SIRT2: variants seen among roughly 807,000 people sequenced by gnomAD.
SIRT2 encodes the protein NAD-dependent protein deacetylase sirtuin-2.
SIRT2 carries 40 observed loss-of-function variants against 57.4 expected under a neutral mutation model. That is an observed-to-expected ratio of 0.70 (90% CI 0.54 to 0.91). The LOEUF (loss-of-function observed/expected upper bound fraction) is 0.91, where lower values mean the gene tolerates loss of function less well. Among genes scored for constraint, SIRT2 ranks in the 40% least tolerant of loss-of-function variants. SIRT2 has a pLI of 0.00. For missense variants in SIRT2, 439 were observed against 510.4 expected (o/e 0.86, Z 1.35); for synonymous variants, 161 against 195.7 (o/e 0.82, Z 1.48).
intron 8 of SIRT2, among the ~76,000 whole-genome samples, chr19:38,887,949 T>C (rs1973395199): frequency 1.3e-5 from 2 of 151,772 alleles, no homozygotes; most frequent in Non-Finnish European, 2.9e-5. Flanking sequence ...AGAGACCAGA[T>C]TTCATGATGT....
intron 4 of SIRT2, chr19:38,890,779 C>A (rs909666437): frequency 6.4e-6 from 1 of 155,252 alleles, no homozygotes; most frequent in Non-Finnish European, 1.5e-5. Flanking sequence ...GGATAAGAAC[C>A]CTGGGCTGAG....
intron 8 of SIRT2, among the ~76,000 whole-genome samples, chr19:38,887,962 G>A (rs1420923510): frequency 6.6e-6 from 1 of 151,826 alleles, no homozygotes; most frequent in African/African-American, 2.4e-5. Context: ...CATGATGTTG[G>A]ACAGGCTGGT....
At chr19:38,894,976 C>G (rs1454249059) in intron 2 of SIRT2, 1 of 454,968 alleles carries the variant, frequency 2.2e-6, no homozygotes, top group African/African-American at 2.0e-5. Flanking sequence ...CAAATGGACC[C>G]TGGCATCTCC....
At position 38,899,568 on chromosome 19, in the gene SIRT2, C is replaced by A; in HGVS notation, c.-47G>T. On this transcript the variant is annotated 5_prime_UTR_variant, in exon 1 of 16. Transcript: ENST00000249396. ...GAGGCTGTCACCGACCGCTCTGTCC[C>A]GTCACCAACCACTGTGTCCCGTCAC... 9.3e-6 allele frequency: 15 copies of A among 1,613,246 alleles called. No homozygotes were observed. Among genetic ancestry groups the A allele is most frequent in the Non-Finnish European group, 1.3e-5 (15 of 1,179,512 alleles).
At chr19:38,892,395 C>CAAAA (rs563077354) in intron 4 of SIRT2, among the ~76,000 whole-genome samples, 38 of 126,640 alleles carry the variant, frequency 3.0e-4, no homozygotes, top group Admixed American at 9.0e-4. Context: ...GACTCCATCT[C>CAAAA]AAAAAAAAAA....
At position 38,894,899 on chromosome 19, in the gene SIRT2, C is replaced by T. The variant is rs117393805; in HGVS notation, c.64-1032G>A. 2.8e-3 allele frequency: 1,273 copies of T among 456,146 alleles called. 5 individuals carry two copies. The highest frequency in any genetic ancestry group is 5.2e-3 in the Middle Eastern group (16 of 3,078). 28.3% of individuals were successfully genotyped at this position (456,146 alleles called of 1,614,324 possible). On this transcript the variant is annotated intron_variant, in intron 2 of 15. Transcript: ENST00000249396. The stretch of plus-strand genomic sequence containing the variant: ...GATACCATCTCTCTGCCCTCAGATC[C>T]GGGGTTCCCTGGCTTCCTGGACACC...
chr19:38,898,461 G>C, intron 1 of SIRT2, 36 bp from the exon 2 acceptor site: 1 of 1,412,332 alleles, frequency 7.1e-7, no homozygotes, highest in Non-Finnish European at 9.5e-7. Flanking sequence ...ACAGTGGGGA[G>C]AACGATTAAG....
chr19:38,890,818 T>C (rs1231447704), intron 4 of SIRT2, among the ~76,000 whole-genome samples: 2 of 151,728 alleles, frequency 1.3e-5, no homozygotes, highest in South Asian at 2.1e-4. Flanking sequence ...GGCTGGTGAG[T>C]AGCCACCAGG....
At chr19:38,890,534 T>C (rs1973500495) in intron 4 of SIRT2, 2 of 230,190 alleles carry the variant, frequency 8.7e-6, no homozygotes, top group African/African-American at 4.6e-5. Context: ...CTACTGAAAA[T>C]ACAAAATTAG....
intron 4 of SIRT2, among the ~76,000 whole-genome samples, chr19:38,891,419 C>T (rs192813738): frequency 3.3e-5 from 5 of 152,166 alleles, no homozygotes; most frequent in Admixed American, 6.5e-5. Context: ...CGTGGTGGCA[C>T]GCGCCTGTAA....
At chr19:38,884,525 T>G (rs920168170) in intron 8 of SIRT2, among the ~76,000 whole-genome samples, 3 of 152,124 alleles carry the variant, frequency 2.0e-5, no homozygotes, top group African/African-American at 7.2e-5. Flanking sequence ...CTCGGCTCAC[T>G]GCAACCTCTG....
At chr19:38,882,382 C>T (rs905021430) in intron 9 of SIRT2, among the ~76,000 whole-genome samples, 2 of 152,066 alleles carry the variant, frequency 1.3e-5, no homozygotes, top group Non-Finnish European at 2.9e-5. Context: ...CGCCTGTAAT[C>T]CCAGCACTTT....
intron 7 of SIRT2, 140 bp downstream of exon 7, chr19:38,889,549 C>T (rs1013475622): frequency 5.3e-6 from 5 of 938,858 alleles, no homozygotes; most frequent in African/African-American, 5.0e-5. Context: ...GGAACCAGGA[C>T]TTGAACCGAG....
At chr19:38,887,874 C>T (rs943133218) in intron 8 of SIRT2, among the ~76,000 whole-genome samples, 1 of 152,158 alleles carries the variant, frequency 6.6e-6, no homozygotes, top group Admixed American at 6.6e-5. Flanking sequence ...ATTCTCCTGC[C>T]TCAGCCTCCC....
At chr19:38,889,455 G>A (rs1029474035) in intron 7 of SIRT2, 25 of 661,042 alleles carry the variant, frequency 3.8e-5, no homozygotes, top group Non-Finnish European at 5.8e-5. Context: ...GCTAAGCCTC[G>A]CAGCAGCCCT....
At position 38,890,516 on chromosome 19, in the gene SIRT2, C is replaced by A. The variant is rs182135062; in HGVS notation, c.227-372G>T. On this transcript the variant is annotated intron_variant, in intron 4 of 15. Transcript: ENST00000249396. ...GCCCAGCCTGGCCAACATGGCAAAA[C>A]CTCATCTCTACTGAAAATACAAAAT... 2.2e-3 allele frequency: 582 copies of A among 265,804 alleles called. 5 individuals are homozygous for A. The highest frequency in any genetic ancestry group is 0.012 in the African/African-American group (554 of 44,876). The allele number at this position is 265,804 out of a possible 1,614,324, so 16.5% of individuals were successfully genotyped here. A position where few individuals can be genotyped will look rare whatever the true frequency, so the allele number is the denominator to read the frequency against.
intron 9 of SIRT2, 70 bp from the exon 10 acceptor site, chr19:38,881,561 C>A (rs904647647): frequency 1.8e-5 from 22 of 1,244,454 alleles, no homozygotes; most frequent in African/African-American, 1.3e-4. Context: ...AGGTGCAGCA[C>A]CCCCACCCCT....
At chr19:38,881,074 T>C in intron 11 of SIRT2, 26 bp downstream of exon 11, 1 of 1,610,514 alleles carries the variant, frequency 6.2e-7, no homozygotes, top group South Asian at 1.1e-5. Context: ...CGGTTGGGGA[T>C]GCGGGGAGGC....
At position 38,889,076 on chromosome 19, in the gene SIRT2, C is replaced by T. The variant is rs1411425925; in HGVS notation, c.501+11G>A. ...GCCCATCCTCCTCCCAGGATGCTCG[C>T]ATCCGCCTACCTGCGTGTAGCAGCG... On this transcript the variant is annotated intron_variant, in intron 8 of 15. Transcript: ENST00000249396. The T allele has an allele frequency of 1.2e-6, 2 of 1,610,760 alleles. No individual in the cohort carries two copies. Among genetic ancestry groups the T allele is most frequent in the Non-Finnish European group, 1.7e-6 (2 of 1,179,750 alleles).
Sources: gnomAD v4.1 joint callset for allele counts (sites outside exome capture counted in the v4.1 genomes callset) on GRCh38, gnomAD v4.1.1 for gene constraint, MANE v1.5 for transcripts, NCBI Gene and HGNC (gene_info 2026-07-23, HGNC 2026-07-21) for gene names.